The following GALNT17 variants were observed in gnomAD, a reference collection of about 807,000 sequenced individuals.
GALNT17 encodes UDP-GalNAc:polypeptide N-acetylgalactosaminyltransferase-like 3.
A neutral mutation model predicts 63.7 loss-of-function variants in GALNT17; 29 were observed. That is an observed-to-expected ratio of 0.46 (90% CI 0.34 to 0.62). The LOEUF is 0.62. Ranked by LOEUF, GALNT17 falls within the 20% of genes least tolerant of loss-of-function variation. The pLI is 0.01. For synonymous variants in GALNT17, 305 were observed against 318.3 expected (o/e 0.96, Z 0.45); for missense variants, 603 against 799.6 (o/e 0.75, Z 2.97).
intron 5 of GALNT17, among the ~76,000 whole-genome samples, chr7:71,453,223 A>C (rs1013290027): frequency 5.3e-5 from 8 of 152,186 alleles, no homozygotes; most frequent in African/African-American, 1.9e-4. Flanking sequence ...CATCATTCAT[A>C]ATTATATTCC....
chr7:71,572,166 C>G (rs528535880), intron 6 of GALNT17, among the ~76,000 whole-genome samples: 1 of 151,376 alleles, frequency 6.6e-6, no homozygotes, highest in East Asian at 1.9e-4. Flanking sequence ...CACATGAGCC[C>G]AGGAATTCAA....
At chr7:71,321,943 C>T (rs56141351) in intron 1 of GALNT17, among the ~76,000 whole-genome samples, 7,822 of 44,260 alleles carry the variant, frequency 0.18, 694 homozygotes, top group African/African-American at 0.21. Context: ...CTCCCTCCCT[C>T]CCTTCCTTCC....
chr7:71,494,171 CAG>C (rs1563134659), intron 5 of GALNT17, among the ~76,000 whole-genome samples: 2 of 152,054 alleles, frequency 1.3e-5, no homozygotes, highest in Non-Finnish European at 2.9e-5. Context: ...GGAGGAGAGA[CAG>C]TATGTGTGTG....
chr7:71,671,837 C>A (rs943177702), intron 8 of GALNT17, among the ~76,000 whole-genome samples: 1 of 151,966 alleles, frequency 6.6e-6, no homozygotes, highest in African/African-American at 2.4e-5. Flanking sequence ...CCAGCCTGGC[C>A]AACATGGGGA....
intron 1 of GALNT17, among the ~76,000 whole-genome samples, chr7:71,168,329 T>C (rs1371231092): frequency 6.6e-6 from 1 of 152,120 alleles, no homozygotes; most frequent in Non-Finnish European, 1.5e-5. Flanking sequence ...ATCCCACCAC[T>C]TTGGGAGGCC....
chr7:71,637,347 G>A (rs1458479951), intron 6 of GALNT17, among the ~76,000 whole-genome samples: 1 of 152,000 alleles, frequency 6.6e-6, no homozygotes, highest in East Asian at 1.9e-4. Context: ...ACCATGTCCG[G>A]CTAATTTTTT....
intron 5 of GALNT17, among the ~76,000 whole-genome samples, chr7:71,443,932 G>A (rs1269091938): frequency 6.6e-6 from 1 of 152,082 alleles, no homozygotes; most frequent in African/African-American, 2.4e-5. Flanking sequence ...TCACCATGTT[G>A]GCCAGGCTGG....
intron 2 of GALNT17, among the ~76,000 whole-genome samples, chr7:71,341,235 A>T (rs1276478356): frequency 1.3e-5 from 2 of 152,204 alleles, no homozygotes; most frequent in African/African-American, 4.8e-5. Context: ...GAGTTGGAAG[A>T]CAGCATTGAG....
chr7:71,313,976 A>G (rs1291857710), intron 1 of GALNT17, among the ~76,000 whole-genome samples: 3 of 152,152 alleles, frequency 2.0e-5, no homozygotes, highest in African/African-American at 4.8e-5. Flanking sequence ...GGAGCTCACT[A>G]GGTTGTCTAC....
chr7:71,174,379 T>C (rs1321952963), intron 1 of GALNT17, among the ~76,000 whole-genome samples: 3 of 152,094 alleles, frequency 2.0e-5, no homozygotes, highest in African/African-American at 7.2e-5. Flanking sequence ...TAGGCCGGCC[T>C]GGGGCTCTGG....
chr7:71,443,696 A>G (rs190595904), intron 5 of GALNT17, among the ~76,000 whole-genome samples: 33 of 150,596 alleles, frequency 2.2e-4, no homozygotes, highest in Non-Finnish European at 3.7e-4. Context: ...ATAAACCTCT[A>G]TTCTTCATAA....
chr7:71,499,889 C>T (rs1223217438), intron 5 of GALNT17, among the ~76,000 whole-genome samples: 1 of 152,170 alleles, frequency 6.6e-6, no homozygotes, highest in Admixed American at 6.5e-5. Context: ...TACCCCCATG[C>T]TGCTGTTCTC....
In GALNT17 at chr7:71,263,788, G is replaced by C. The variant is rs1790435471; in HGVS notation, c.239-71762G>C. ...AAAATACAAAAAGTTAGCCGGCGTG[G>C]TGGCAGGCGCCTGTAGTCCTAGCTA... On this transcript the variant is annotated intron_variant, in intron 1 of 10. Transcript: ENST00000333538. Among the ~76,000 whole-genome samples the C allele has an allele frequency of 2.0e-5, 3 of 152,078 alleles. 1 individual carries two copies. Among genetic ancestry groups the C allele is most frequent in the Admixed American group, 2.0e-4 (3 of 15,258 alleles).
At chr7:71,154,272 T>A (rs1297978408) in intron 1 of GALNT17, among the ~76,000 whole-genome samples, 1 of 152,140 alleles carries the variant, frequency 6.6e-6, no homozygotes, top group Non-Finnish European at 1.5e-5. Context: ...GGCTTCCAGC[T>A]GTTTGTGTCT....
intron 2 of GALNT17, among the ~76,000 whole-genome samples, chr7:71,363,740 T>C (rs1563035586): frequency 6.6e-6 from 1 of 152,192 alleles, no homozygotes; most frequent in Non-Finnish European, 1.5e-5. Context: ...AGCCGCGTGG[T>C]GGATAAAGAT....
At chr7:71,236,451 C>T (rs1370101275) in intron 1 of GALNT17, among the ~76,000 whole-genome samples, 1 of 152,200 alleles carries the variant, frequency 6.6e-6, no homozygotes, top group Non-Finnish European at 1.5e-5. Context: ...GCCTAGTCTC[C>T]TGCTTAGGGC....
chr7:71,489,206 T>C lies in GALNT17; in HGVS notation c.962+68101T>C, dbSNP rs540690191. Among the ~76,000 whole-genome samples the C allele has an allele frequency of 2.0e-5, 3 of 152,222 alleles. No individual in the cohort carries two copies. The East Asian group carries it at 5.8e-4, about 29-fold the overall frequency. On this transcript the variant is annotated intron_variant, in intron 5 of 10. Transcript: ENST00000333538. Reference sequence around the variant, plus strand: ...ACTGCACCCAACCAGGTTTGTCTCATAATCAAATTCTCAAGTAGTGCAGAT... The same window carrying C: ...ACTGCACCCAACCAGGTTTGTCTCACAATCAAATTCTCAAGTAGTGCAGAT...
chr7:71,585,665 C>T (rs1789705266), intron 6 of GALNT17, among the ~76,000 whole-genome samples: 1 of 151,594 alleles, frequency 6.6e-6, no homozygotes, highest in Non-Finnish European at 1.5e-5. Flanking sequence ...TGTCTAAATC[C>T]ATTGTCATTA....
At chr7:71,181,032 A>C (rs867401535) in intron 1 of GALNT17, among the ~76,000 whole-genome samples, 8 of 152,138 alleles carry the variant, frequency 5.3e-5, no homozygotes, top group Admixed American at 3.3e-4. Context: ...AGGCAGGCGG[A>C]TCACTTGAGG....
Sources: allele counts gnomAD v4.1 joint callset (sites outside exome capture counted in the v4.1 genomes callset), GRCh38; gene constraint gnomAD v4.1.1; transcripts MANE v1.5; gene names NCBI Gene and HGNC (gene_info 2026-07-23, HGNC 2026-07-21).